DYM: variants seen among roughly 807,000 people sequenced by gnomAD.
The protein encoded by DYM is dyggve-Melchior-Clausen syndrome protein.
Under a neutral mutation model 93.1 loss-of-function variants are expected in DYM, and 78 were observed. The observed-to-expected ratio is 0.84, with a 90% CI of 0.70 to 1.01. The LOEUF is 1.01. Ranked by LOEUF, DYM falls within the 50% of genes least tolerant of loss-of-function variation. The pLI, the probability that DYM is intolerant of heterozygous loss-of-function variation, is 0.00. For missense variants in DYM, 789 were observed against 845.0 expected (o/e 0.93, Z 0.82); for synonymous variants, 321 against 319.7 (o/e 1.00, Z -0.04).
chr18:49,154,264 T>C (rs1220334879), intron 15 of DYM, among the ~76,000 whole-genome samples: 1 of 152,204 alleles, frequency 6.6e-6, no homozygotes, highest in Non-Finnish European at 1.5e-5. Flanking sequence ...GTTAAAATTG[T>C]AAAATCTGAA....
chr18:49,422,218 T>A (rs977613513), intron 2 of DYM, among the ~76,000 whole-genome samples: 1 of 152,130 alleles, frequency 6.6e-6, no homozygotes, highest in South Asian at 2.1e-4. Context: ...TTCAACCAAG[T>A]TGAAATGAAG....
chr18:49,086,006 G>A lies in DYM; in HGVS notation c.2025+11396C>T, dbSNP rs528657448. ...AGAAAATTCTATCAAAACTAATAGC[G>A]GGGATTTCAAGGTAAAATCACACAG... On this transcript the variant is annotated intron_variant, in intron 17 of 17. Transcript: ENST00000675505. Among the ~76,000 whole-genome samples, 12 of 152,196 alleles carry A rather than the reference G, an allele frequency of 7.9e-5. No individual in the cohort carries two copies. The East Asian group carries it at 1.4e-3, about 17-fold the overall frequency.
intron 1 of DYM, among the ~76,000 whole-genome samples, chr18:49,450,921 G>T (rs2082471135): frequency 6.6e-6 from 1 of 151,218 alleles, no homozygotes; most frequent in African/African-American, 2.4e-5. Flanking sequence ...TTCAACAGGT[G>T]TCCTCAAATG....
chr18:49,454,966 CCTCTCTCT>C (rs372791718), intron 1 of DYM, among the ~76,000 whole-genome samples: 1 of 143,930 alleles, frequency 6.9e-6, no homozygotes, highest in African/African-American at 2.5e-5. Flanking sequence ...CTTTTTTGGA[CCTCTCTCT>C]CTCTCTCTCA....
intron 14 of DYM, among the ~76,000 whole-genome samples, chr18:49,173,188 C>T (rs1159999286): frequency 6.6e-6 from 1 of 152,082 alleles, no homozygotes; most frequent in East Asian, 1.9e-4. Flanking sequence ...ATCTGTCATA[C>T]ACTATTATCC....
At chr18:49,104,689 T>A (rs776497159) in intron 16 of DYM, among the ~76,000 whole-genome samples, 19 of 152,192 alleles carry the variant, frequency 1.2e-4, no homozygotes, top group Non-Finnish European at 2.2e-4. Flanking sequence ...TTGTCATTGG[T>A]TCTGTTTATA....
chr18:49,356,830 T>C (rs962322022), intron 6 of DYM, among the ~76,000 whole-genome samples: 7 of 152,258 alleles, frequency 4.6e-5, no homozygotes, highest in African/African-American at 1.7e-4. Context: ...ATAATGTTAT[T>C]ACATTTTTAA....
At position 49,209,642 on chromosome 18, in the gene DYM, T is replaced by C. The variant is rs758773458; in HGVS notation, c.1534A>G (p.Thr512Ala). 2.3e-6 allele frequency: 3 copies of C among 1,289,540 alleles called. No homozygotes were observed. Among genetic ancestry groups the C allele is most frequent in the Non-Finnish European group, 3.0e-6 (3 of 988,772 alleles). 79.9% of individuals were successfully genotyped at this position (1,289,540 alleles called of 1,614,324 possible). Reference protein sequence around the residue: ...KLYFPHSHCSTLQHCFSTLSD... With the variant: ...KLYFPHSHCSALQHCFSTLSD... Reference sequence around the variant, plus strand: ...AGGGTCGAGAAGCAATGCTGAAGCGTAGAACAGTGAGAGTGGGGGAAATAC... The same window carrying C: ...AGGGTCGAGAAGCAATGCTGAAGCGCAGAACAGTGAGAGTGGGGGAAATAC... The change falls in exon 14 of 18, where the codon ACG becomes GCG. Residue 512 changes from threonine (T) to alanine (A), a missense_variant. Physicochemically the swap from Thr to Ala is moderately conservative, Grantham distance 58. Coordinates refer to ENST00000675505, the MANE Select transcript of DYM (RefSeq NM_001353214.3).
chr18:49,389,721 G>A (rs2147863598), intron 3 of DYM, among the ~76,000 whole-genome samples: 1 of 152,082 alleles, frequency 6.6e-6, no homozygotes, highest in East Asian at 1.9e-4. Context: ...AAGAGATGGG[G>A]TCTTATTATG....
intron 15 of DYM, among the ~76,000 whole-genome samples, chr18:49,140,783 C>T (rs888695519): frequency 3.3e-5 from 5 of 152,220 alleles, no homozygotes; most frequent in Admixed American, 2.0e-4. Flanking sequence ...AAATTTCATG[C>T]CCTTTCTTAG....
intron 14 of DYM, among the ~76,000 whole-genome samples, chr18:49,193,219 A>C (rs2091142001): frequency 6.6e-6 from 1 of 152,078 alleles, no homozygotes; most frequent in South Asian, 2.1e-4. Context: ...AATTAAAATA[A>C]AGAGTTAATC....
At chr18:49,375,030 T>C (rs547472777) in intron 5 of DYM, among the ~76,000 whole-genome samples, 1 of 151,438 alleles carries the variant, frequency 6.6e-6, no homozygotes, top group South Asian at 2.1e-4. Flanking sequence ...TACTTCAGAG[T>C]AGAAAGCACA....
chr18:49,181,969 T>C (rs2089966485), intron 14 of DYM, among the ~76,000 whole-genome samples: 1 of 152,198 alleles, frequency 6.6e-6, no homozygotes, highest in Non-Finnish European at 1.5e-5. Flanking sequence ...AATACTGCTT[T>C]AGTGGCAGCC....
At chr18:49,052,756 C>A (rs2075130403) in intron 17 of DYM, among the ~76,000 whole-genome samples, 1 of 152,224 alleles carries the variant, frequency 6.6e-6, no homozygotes, top group Admixed American at 6.5e-5. Flanking sequence ...CCCCTTTGGG[C>A]TCTAGCTAGT....
Position 49,351,362 on chromosome 18 carries a change from C to T in DYM, c.494+11799G>A, listed in dbSNP as rs994077445. ...CTCCAGTCTGGGCAACAGAGCGAGACTCTGTCTCTAAATAAATAAACAAAT... is the reference window on the plus strand; with the variant it reads ...CTCCAGTCTGGGCAACAGAGCGAGATTCTGTCTCTAAATAAATAAACAAAT... On this transcript the variant is annotated intron_variant, in intron 6 of 17. Coordinates refer to ENST00000675505, the MANE Select transcript of DYM (RefSeq NM_001353214.3). Among the ~76,000 whole-genome samples, 10 of 150,320 alleles carry T rather than the reference C, an allele frequency of 6.7e-5. No individual in the cohort carries two copies. In the Admixed American group the frequency reaches 6.7e-4, roughly 10 times the overall value.
At chr18:49,195,401 G>C (rs2091345788) in intron 14 of DYM, among the ~76,000 whole-genome samples, 1 of 152,070 alleles carries the variant, frequency 6.6e-6, no homozygotes, top group Non-Finnish European at 1.5e-5. Context: ...CTTGTGTTGT[G>C]AACATTCAAA....
At chr18:49,227,737 A>G (rs180921826) in intron 13 of DYM, among the ~76,000 whole-genome samples, 227 of 152,238 alleles carry the variant, frequency 1.5e-3, no homozygotes, top group African/African-American at 5.0e-3. Context: ...CACCAGTCCA[A>G]TGTTCTAACC....
chr18:49,351,980 T>C (rs1054402611), intron 6 of DYM, among the ~76,000 whole-genome samples: 7 of 151,932 alleles, frequency 4.6e-5, no homozygotes, highest in African/African-American at 1.2e-4. Context: ...GGACTGATGG[T>C]GTCAATGAGG....
At chr18:49,168,052 C>T (rs1416632536) in intron 14 of DYM, among the ~76,000 whole-genome samples, 1 of 151,962 alleles carries the variant, frequency 6.6e-6, no homozygotes, top group African/African-American at 2.4e-5. Context: ...TATGAACAAG[C>T]TGATTTTATG....
Sources: allele counts gnomAD v4.1 joint callset (sites outside exome capture counted in the v4.1 genomes callset), GRCh38; gene constraint gnomAD v4.1.1; transcripts MANE v1.5; gene names NCBI Gene and HGNC (gene_info 2026-07-23, HGNC 2026-07-21).